CSMD1: variants seen among roughly 807,000 people sequenced by gnomAD.
CSMD1 encodes the protein CUB and sushi domain-containing protein 1.
A neutral mutation model predicts 417.5 loss-of-function variants in CSMD1; 213 were observed. That is an observed-to-expected ratio of 0.51 (90% CI 0.46 to 0.57). The LOEUF is 0.57. Among genes scored for constraint, CSMD1 ranks in the 20% least tolerant of loss-of-function variants. CSMD1 has a pLI of 0.00. For missense variants in CSMD1, 6,923 were observed against 4,529.7 expected, an observed-to-expected ratio of 1.53 and a Z score of -15.17; for synonymous variants, 2,862 against 1,736.8, an observed-to-expected ratio of 1.65 and a Z score of -16.11.
In CSMD1 at chr8:4,832,966, C is replaced by T. The variant is rs111509406; in HGVS notation, c.85+161366G>A. 7.1e-3 allele frequency among the ~76,000 whole-genome samples: 1,088 copies of T among 152,240 alleles called. 10 individuals carry two copies. Among genetic ancestry groups the T allele is most frequent in the African/African-American group, 0.025 (1,058 of 41,550 alleles). On this transcript the variant is annotated intron_variant, in intron 1 of 69. Coordinates refer to ENST00000635120, the MANE Select transcript of CSMD1 (RefSeq NM_033225.6). ...CTTGTCTGATTTCATCAAGGAAATT[C>T]CTGGCCTGCCCTGGGCACCATTTCT...
chr8:4,817,288 A>G (rs558181539), intron 1 of CSMD1, among the ~76,000 whole-genome samples: 7 of 152,320 alleles, frequency 4.6e-5, no homozygotes, highest in Admixed American at 3.3e-4. Context: ...GGCCTGCCCA[A>G]TCAAGCTATA....
intron 2 of CSMD1, among the ~76,000 whole-genome samples, chr8:4,503,366 ACTC>A: frequency 6.6e-6 from 1 of 152,150 alleles, no homozygotes; most frequent in African/African-American, 2.4e-5. Flanking sequence ...CTACCATCAT[ACTC>A]AACTTTTGCT....
chr8:4,093,196 T>C (rs1197479489), intron 3 of CSMD1, among the ~76,000 whole-genome samples: 1 of 152,230 alleles, frequency 6.6e-6, no homozygotes, highest in African/African-American at 2.4e-5. Context: ...ATTTGAAGTT[T>C]CACATTATGT....
chr8:2,952,791 A>T (rs1233332286), intron 65 of CSMD1, among the ~76,000 whole-genome samples: 1 of 152,208 alleles, frequency 6.6e-6, no homozygotes, highest in Non-Finnish European at 1.5e-5. Flanking sequence ...GGAATGGGCC[A>T]GGCCTGGCTG....
chr8:3,877,931 C>T (rs28478626), intron 5 of CSMD1, among the ~76,000 whole-genome samples: 42,444 of 151,270 alleles, frequency 0.28, 8,058 homozygotes, highest in African/African-American at 0.55. Context: ...GTGGCCATGA[C>T]CTAAAGCTTT....
At chr8:4,217,449 A>G (rs1020934600) in intron 3 of CSMD1, among the ~76,000 whole-genome samples, 1 of 152,150 alleles carries the variant, frequency 6.6e-6, no homozygotes, top group African/African-American at 2.4e-5. Flanking sequence ...ACGTTATACC[A>G]TAGCTATACA....
intron 3 of CSMD1, among the ~76,000 whole-genome samples, chr8:4,164,537 A>C (rs1164272633): frequency 6.6e-6 from 1 of 152,174 alleles, no homozygotes; most frequent in East Asian, 1.9e-4. Context: ...TCTAGATATA[A>C]GCTGTTGTAT....
At chr8:2,947,233 A>G (rs984288786) in intron 68 of CSMD1, among the ~76,000 whole-genome samples, 4 of 152,168 alleles carry the variant, frequency 2.6e-5, no homozygotes, top group African/African-American at 7.2e-5. Flanking sequence ...TTTCTTACGC[A>G]AGTTTTTGCA....
intron 6 of CSMD1, among the ~76,000 whole-genome samples, chr8:3,746,406 G>T (rs1008138624): frequency 1.3e-5 from 2 of 152,188 alleles, no homozygotes; most frequent in Non-Finnish European, 1.5e-5. Context: ...ATTATCCAAT[G>T]TCAACCACAT....
chr8:3,103,693 T>C lies in CSMD1; in HGVS notation c.6949+2835A>G, dbSNP rs368424353. The stretch of plus-strand genomic sequence containing the variant: ...GGCTTGTCATGAATTAAACGTCATT[T>C]AAATAAGAACTTGGTTCATCTGGAG... On this transcript the variant is annotated intron_variant, in intron 46 of 69. Coordinates refer to ENST00000635120, the MANE Select transcript of CSMD1 (RefSeq NM_033225.6). Among the ~76,000 whole-genome samples, 201 of 152,116 alleles carry C rather than the reference T, an allele frequency of 1.3e-3. 4 individuals are homozygous for C. In the South Asian group the frequency reaches 0.016, roughly 12 times the overall value.
intron 2 of CSMD1, among the ~76,000 whole-genome samples, chr8:4,628,457 T>C (rs1196827910): frequency 1.3e-5 from 2 of 149,382 alleles, no homozygotes; most frequent in African/African-American, 2.5e-5. Context: ...CACATATACA[T>C]ATATATGTAT....
Position 3,363,187 on chromosome 8 carries a change from C to A in CSMD1, c.3115+3845G>T, listed in dbSNP as rs971685399. On this transcript the variant is annotated intron_variant, in intron 20 of 69. Coordinates refer to ENST00000635120, the MANE Select transcript of CSMD1 (RefSeq NM_033225.6). ...GCTGGCCTGTCCATTCCCTGCTTCA[C>A]AATCAAGTCTCAGCCTGTCAGAGAC... is the stretch of plus-strand genomic sequence containing the variant. Among the ~76,000 whole-genome samples, 27 of 152,284 alleles carry A rather than the reference C, an allele frequency of 1.8e-4. 1 individual carries two copies. In the South Asian group the frequency reaches 3.5e-3, roughly 20 times the overall value.
chr8:3,188,068 ATATATATACATATGTATATG>A lies in CSMD1; in HGVS notation c.5524-123_5524-104del, dbSNP rs1335092444. 1.8e-5 allele frequency: 8 copies of A among 445,698 alleles called. No individual in the cohort carries two copies. In the South Asian group the frequency reaches 2.4e-4, roughly 14 times the overall value. 27.6% of individuals were successfully genotyped at this position (445,698 alleles called of 1,614,324 possible). ...TTTCATGATTAAGGTGTATATGTAT[ATATATATACATATGTATATG>A]TATATATATATACATATACACCTTA... is the stretch of plus-strand genomic sequence containing the variant. On this transcript the variant is annotated intron_variant, in intron 35 of 69. Transcript: ENST00000635120.
At chr8:3,635,793 C>CAAAAAAAAAAAAAAAAAAAAAAA (rs752552617) in intron 7 of CSMD1, among the ~76,000 whole-genome samples, 3 of 99,274 alleles carry the variant, frequency 3.0e-5, no homozygotes, top group African/African-American at 4.1e-5. Flanking sequence ...GCTTCCATCT[C>CAAAAAAAAAAAAAAAAAAAAAAA]AAAAAAAAAA....
chr8:4,501,705 A>G (rs577904572), intron 2 of CSMD1, among the ~76,000 whole-genome samples: 2 of 152,292 alleles, frequency 1.3e-5, no homozygotes, highest in African/African-American at 4.8e-5. Context: ...CACACTATCT[A>G]CATTAGTCAC....
At chr8:4,896,082 T>C (rs1028362849) in intron 1 of CSMD1, among the ~76,000 whole-genome samples, 6 of 152,152 alleles carry the variant, frequency 3.9e-5, no homozygotes, top group Non-Finnish European at 7.3e-5. Context: ...GAGGCCTTCC[T>C]CTGTCTGAAA....
At chr8:3,589,570 G>C (rs1288758330) in intron 8 of CSMD1, among the ~76,000 whole-genome samples, 1 of 152,006 alleles carries the variant, frequency 6.6e-6, no homozygotes, top group Non-Finnish European at 1.5e-5. Context: ...GGTGAAATCT[G>C]GAAAAAATAG....
At chr8:4,523,781 C>A (rs1803622264) in intron 2 of CSMD1, among the ~76,000 whole-genome samples, 1 of 152,124 alleles carries the variant, frequency 6.6e-6, no homozygotes. Flanking sequence ...TAATTGTATG[C>A]AGAGCAATGT....
chr8:3,038,833 A>T (rs1810876329), intron 50 of CSMD1, among the ~76,000 whole-genome samples: 1 of 152,186 alleles, frequency 6.6e-6, no homozygotes, highest in African/African-American at 2.4e-5. Context: ...CCTTAATGCT[A>T]TTACGGATTT....
Sources: gnomAD v4.1 joint callset for allele counts (sites outside exome capture counted in the v4.1 genomes callset) on GRCh38, gnomAD v4.1.1 for gene constraint, MANE v1.5 for transcripts, NCBI Gene and HGNC (gene_info 2026-07-23, HGNC 2026-07-21) for gene names.